The following RPN1 variants were observed in gnomAD, a reference collection of about 807,000 sequenced individuals.
RPN1 encodes ribophorin I, also known as dolichyl-diphosphooligosaccharide--protein glycosyltransferase subunit 1.
In RPN1, 12 loss-of-function variants were observed where a neutral mutation model predicts 55.5. The ratio of observed to expected loss-of-function variants is 0.22; its 90% CI spans 0.14 to 0.35. The LOEUF (loss-of-function observed/expected upper bound fraction) is 0.35, where lower values mean the gene tolerates loss of function less well. Ranked by LOEUF, RPN1 falls within the 10% of genes least tolerant of loss-of-function variation. The pLI, the probability that RPN1 is intolerant of heterozygous loss-of-function variation, is 1.00. For missense variants in RPN1, 679 were observed against 761.3 expected (o/e 0.89, Z 1.27); for synonymous variants, 317 against 305.9 (o/e 1.04, Z -0.38).
At chr3:128,626,958 T>C (rs942385100) in intron 5 of RPN1, 126 bp from the exon 6 acceptor site, 3 of 761,874 alleles carry the variant, frequency 3.9e-6, no homozygotes, top group African/African-American at 1.7e-5. Flanking sequence ...CCACGGACCA[T>C]GTTTACAACA....
chr3:128,621,673 A>G (rs1663511919), intron 9 of RPN1, among the ~76,000 whole-genome samples: 1 of 152,204 alleles, frequency 6.6e-6, no homozygotes, highest in Non-Finnish European at 1.5e-5. Flanking sequence ...AGGGTTCTGA[A>G]TATTTTGCAT....
In RPN1 at chr3:128,620,238, G is replaced by T; in HGVS notation, c.*173C>A. On this transcript the variant is annotated 3_prime_UTR_variant, in exon 10 of 10. Coordinates refer to ENST00000296255, the MANE Select transcript of RPN1 (RefSeq NM_002950.4). ...TAAAAAAAAAAAAAAAGAAAGTTAA[G>T]GACAAACGGCAAACTCACACTGCCT... 4.8e-6 allele frequency: 2 copies of T among 420,388 alleles called. No homozygotes were observed. Among genetic ancestry groups the T allele is most frequent in the South Asian group, 1.0e-4 (1 of 9,768 alleles). 26.0% of individuals were successfully genotyped at this position (420,388 alleles called of 1,614,324 possible). A position where few individuals can be genotyped will look rare whatever the true frequency, so the allele number is the denominator to read the frequency against.
intron 5 of RPN1, among the ~76,000 whole-genome samples, chr3:128,629,091 G>C (rs573088611): frequency 2.0e-5 from 3 of 152,102 alleles, no homozygotes; most frequent in Non-Finnish European, 4.4e-5. Flanking sequence ...ACTCAAAGTC[G>C]GGGCAATGAC....
rs1008548806 is a variant in RPN1, at chr3:128,620,263, T to G, written c.*148A>C. The G allele has an allele frequency of 1.8e-5, 9 of 512,646 alleles. No homozygotes were observed. Among genetic ancestry groups the G allele is most frequent in the African/African-American group, 9.9e-5 (5 of 50,554 alleles). 31.8% of individuals were successfully genotyped at this position (512,646 alleles called of 1,614,324 possible). ...GGACAAACGGCAAACTCACACTGCCTGACGCAGGGCCTGGTTTCTCTTCCT... is the reference window on the plus strand; with the variant it reads ...GGACAAACGGCAAACTCACACTGCCGGACGCAGGGCCTGGTTTCTCTTCCT... On this transcript the variant is annotated 3_prime_UTR_variant, in exon 10 of 10. Coordinates refer to ENST00000296255, the MANE Select transcript of RPN1 (RefSeq NM_002950.4).
intron 2 of RPN1, among the ~76,000 whole-genome samples, chr3:128,638,919 T>C (rs2069703819): frequency 1.3e-5 from 2 of 151,746 alleles, no homozygotes; most frequent in African/African-American, 4.8e-5. Flanking sequence ...TGAGCCAAGA[T>C]AGCGCCACTA....
At chr3:128,626,984 G>C (rs2069603996) in intron 5 of RPN1, 152 bp from the exon 6 acceptor site, 2 of 655,758 alleles carry the variant, frequency 3.0e-6, no homozygotes. Flanking sequence ...AGGCAACAAA[G>C]TATCTCTACT....
intron 2 of RPN1, among the ~76,000 whole-genome samples, chr3:128,639,531 CTG>C (rs2069709379): frequency 3.3e-5 from 5 of 151,184 alleles, no homozygotes; most frequent in Admixed American, 3.3e-4. Context: ...TTAATGGTAA[CTG>C]TCTCAAGGTT....
rs1201665629 is a variant in RPN1, at chr3:128,639,447, C to T, written c.327-1342G>A. Among the ~76,000 whole-genome samples, 4 of 132,176 alleles carry T rather than the reference C, an allele frequency of 3.0e-5. No individual in the cohort carries two copies. The Admixed American group carries it at 3.3e-4, about 11-fold the overall frequency. The allele number at this position is 132,176 out of a possible 152,430, so 86.7% of individuals were successfully genotyped here. A position where few individuals can be genotyped will look rare whatever the true frequency, so the allele number is the denominator to read the frequency against. ...CCAGCCGGGCGACAGAGCGAGATAC[C>T]GTCTCAAGAAAAAAAAAAAAAAAAA... On this transcript the variant is annotated intron_variant, in intron 2 of 9. Transcript: ENST00000296255.
rs2069603621 is a variant in RPN1 at position 128,626,924 on chromosome 3, C to G, written c.1037-92G>C. On this transcript the variant is annotated intron_variant, in intron 5 of 9. Coordinates refer to ENST00000296255, the MANE Select transcript of RPN1 (RefSeq NM_002950.4). ...TACAGGGGCTCACATAAAGACAGAG[C>G]AAGTAGACAGCAAAACCAAAAACCC... 5.8e-6 allele frequency: 7 copies of G among 1,213,714 alleles called. No individual in the cohort carries two copies. In the East Asian group the frequency reaches 1.7e-4, roughly 29 times the overall value. The allele number at this position is 1,213,714 out of a possible 1,614,324, so 75.2% of individuals were successfully genotyped here. A position where few individuals can be genotyped will look rare whatever the true frequency, so the allele number is the denominator to read the frequency against.
At chr3:128,641,919 G>T (rs749774105) in intron 2 of RPN1, among the ~76,000 whole-genome samples, 1 of 151,998 alleles carries the variant, frequency 6.6e-6, no homozygotes, top group Non-Finnish European at 1.5e-5. Context: ...CCAATTTAGT[G>T]ACTCTTAGCC....
Position 128,644,978 on chromosome 3 carries a change from CT to C in RPN1, c.266del (p.Lys89ArgfsTer87). 2 of 1,559,516 alleles carry C rather than the reference CT, an allele frequency of 1.3e-6. No individual in the cohort carries two copies. The highest frequency in any genetic ancestry group is 1.8e-6 in the Non-Finnish European group (2 of 1,130,410). On this transcript the variant is annotated frameshift_variant, in exon 2 of 10. Coordinates refer to ENST00000296255, the MANE Select transcript of RPN1 (RefSeq NM_002950.4). LOFTEE classifies it high-confidence loss of function. Reference sequence around the variant, plus strand: ...AATTGTTCTCTTCCTCATCTTCTCCCTTTACCTACAACAGAAAAAGATAGTT... The same window carrying C: ...AATTGTTCTCTTCCTCATCTTCTCCCTTACCTACAACAGAAAAAGATAGTT... ...ARLAHLGVQV[K>X]GEDEEENNLE...
At chr3:128,649,908 C>T (rs1442307495) in intron 1 of RPN1, among the ~76,000 whole-genome samples, 1 of 152,188 alleles carries the variant, frequency 6.6e-6, no homozygotes, top group Non-Finnish European at 1.5e-5. Flanking sequence ...TCACTAGGAA[C>T]CTTAAAATGC....
At chr3:128,644,517 A>G (rs2107721738) in intron 2 of RPN1, 1 of 391,260 alleles carries the variant, frequency 2.6e-6, no homozygotes, top group South Asian at 1.9e-5. Context: ...CATATTAGCC[A>G]AGTGTGGTGG....
At chr3:128,644,805 A>G (rs1038770532) in intron 2 of RPN1, 114 bp downstream of exon 2, 3 of 686,270 alleles carry the variant, frequency 4.4e-6, no homozygotes, top group Non-Finnish European at 7.9e-6. Flanking sequence ...CAAAAAAAAA[A>G]CCCTGTAATA....
intron 2 of RPN1, among the ~76,000 whole-genome samples, chr3:128,643,023 AAAAAAAG>A (rs1221945581): frequency 2.3e-4 from 35 of 151,228 alleles, no homozygotes; most frequent in Admixed American, 9.2e-4. Flanking sequence ...CCGTCTCAAA[AAAAAAAG>A]AAAAAAGAAA....
rs2069549654 is a variant in RPN1, at chr3:128,620,333, AACCTCCCACT to A, written c.*68_*77del. On this transcript the variant is annotated 3_prime_UTR_variant, in exon 10 of 10. Coordinates refer to ENST00000296255, the MANE Select transcript of RPN1 (RefSeq NM_002950.4). ...TCAGCTTTCACTGGCCTCCATGCAC[AACCTCCCACT>A]ACCACCCAATCTGCCTGCCACAGCA... 7.1e-7 allele frequency: 1 copy of A among 1,403,494 alleles called. No homozygotes were observed. The highest frequency in any genetic ancestry group is 9.7e-7 in the Non-Finnish European group (1 of 1,033,086). The allele number at this position is 1,403,494 out of a possible 1,614,324, so 86.9% of individuals were successfully genotyped here. A position where few individuals can be genotyped will look rare whatever the true frequency, so the allele number is the denominator to read the frequency against.
chr3:128,638,044 T>C lies in RPN1; in HGVS notation c.388A>G (p.Ile130Val), dbSNP rs1377161598. The change falls in exon 3 of 10, where the codon ATT becomes GTT. Residue 130 changes from isoleucine (I) to valine (V), a missense_variant. By Grantham distance (29) the Ile-to-Val change is conservative. Around this residue, in one of 3 missense-constraint regions of RPN1, gnomAD observed 352 missense variants for 352.8 expected, o/e 1.00. Transcript: ENST00000296255. ...ACATGGGTGTAGACTGTTTCCACAA[T>C]GACTGAAATCTTGGCCCCAGGATCA... Reference protein sequence around the residue: ...ALDPGAKISVIVETVYTHVLH... With the variant: ...ALDPGAKISVVVETVYTHVLH... 2 of 1,613,996 alleles carry C rather than the reference T, an allele frequency of 1.2e-6. No homozygotes were observed. Among genetic ancestry groups the C allele is most frequent in the African/African-American group, 2.7e-5 (2 of 74,920 alleles).
chr3:128,622,144 C>CT lies in RPN1; in HGVS notation c.1641+19dup, dbSNP rs2069564360. The CT allele has an allele frequency of 1.9e-6, 3 of 1,612,604 alleles. No homozygotes were observed. The highest frequency in any genetic ancestry group is 2.5e-6 in the Non-Finnish European group (3 of 1,178,956). On this transcript the variant is annotated intron_variant, in intron 9 of 9. Transcript: ENST00000296255. ...ATGGAGGGCCCCAAGCCAAGCAACTCTGTGACGCCCGACACTTACTCTGTC... is the reference window on the plus strand; with the variant it reads ...ATGGAGGGCCCCAAGCCAAGCAACTCTTGTGACGCCCGACACTTACTCTGTC...
rs1560019068 is a variant in RPN1 at position 128,620,216 on chromosome 3, A to ATT, written c.*194_*195insAA. ...TTTTTTTAAAGTTTTCTTTTTTTAA[A>ATT]AAAAAAAAAAAAGAAAGTTAAGGAC... On this transcript the variant is annotated 3_prime_UTR_variant, in exon 10 of 10. Coordinates refer to ENST00000296255, the MANE Select transcript of RPN1 (RefSeq NM_002950.4). The ATT allele has an allele frequency of 4.8e-4, 178 of 367,682 alleles. No homozygotes were observed. The highest frequency in any genetic ancestry group is 3.6e-3 in the African/African-American group (172 of 47,790). The allele number at this position is 367,682 out of a possible 1,614,324, so 22.8% of individuals were successfully genotyped here.
Sources: gnomAD v4.1 joint callset for allele counts (sites outside exome capture counted in the v4.1 genomes callset) on GRCh38, gnomAD v4.1.1 for gene constraint, gnomAD v4.1.1 regional missense constraint, MANE v1.5 for transcripts, NCBI Gene and HGNC (gene_info 2026-07-23, HGNC 2026-07-21) for gene names.